Variants in SUGCT observed in about 807,000 individuals in gnomAD.
The protein encoded by SUGCT is succinyl-CoA:glutarate CoA-transferase.
A neutral mutation model predicts 55.0 loss-of-function variants in SUGCT; 41 were observed. That is an observed-to-expected ratio of 0.74 (90% CI 0.58 to 0.97). The LOEUF is 0.97. Among genes scored for constraint, SUGCT ranks in the 50% least tolerant of loss-of-function variants. SUGCT has a pLI of 0.00. For synonymous variants in SUGCT, 187 were observed against 200.4 expected (o/e 0.93, Z 0.56); for missense variants, 568 against 547.8 (o/e 1.04, Z -0.37).
At chr7:40,260,497 G>C (rs1270213565) in intron 7 of SUGCT, among the ~76,000 whole-genome samples, 1 of 152,100 alleles carries the variant, frequency 6.6e-6, no homozygotes, top group Non-Finnish European at 1.5e-5. Context: ...TAAGCTACAC[G>C]CTTAAAAGGA....
At chr7:40,178,854 T>A (rs1232132850) in intron 1 of SUGCT, among the ~76,000 whole-genome samples, 1 of 152,206 alleles carries the variant, frequency 6.6e-6, no homozygotes. Context: ...GTTTTTGCTG[T>A]TCACTAAAGA....
the SUGCT span, among the ~76,000 whole-genome samples, chr7:40,899,405 C>G: frequency 6.6e-6 from 1 of 152,170 alleles, no homozygotes; most frequent in Non-Finnish European, 1.5e-5. Context: ...GCAGGCTGCG[C>G]CAAAGCCTCT....
At chr7:40,575,128 G>T (rs1029924732) in intron 12 of SUGCT, among the ~76,000 whole-genome samples, 25 of 147,772 alleles carry the variant, frequency 1.7e-4, no homozygotes, top group East Asian at 5.8e-4. Flanking sequence ...GCGGGGGTGG[G>T]GGTGGAGATG....
chr7:40,147,781 A>G (rs570199846), intron 1 of SUGCT, among the ~76,000 whole-genome samples: 18 of 152,168 alleles, frequency 1.2e-4, no homozygotes, highest in Non-Finnish European at 2.5e-4. Context: ...AGAACCAGAG[A>G]CCACCCCCAG....
chr7:40,345,531 T>C (rs1415281074), intron 9 of SUGCT, among the ~76,000 whole-genome samples: 1 of 152,212 alleles, frequency 6.6e-6, no homozygotes, highest in Non-Finnish European at 1.5e-5. Flanking sequence ...TATGTATAGT[T>C]CTAATACATT....
rs544818150 is a variant in SUGCT at position 40,274,724 on chromosome 7, A to C, written c.720+68A>C. The stretch of plus-strand genomic sequence containing the variant: ...TGTCTGGGTTATACCTTTTCAGATC[A>C]AATTCTATGGTCACATGTACAAAAA... On this transcript the variant is annotated intron_variant, in intron 8 of 13. Transcript: ENST00000335693. The C allele has an allele frequency of 4.4e-5, 63 of 1,439,752 alleles. No individual in the cohort carries two copies. The South Asian group carries it at 6.9e-4, about 16-fold the overall frequency. The allele number at this position is 1,439,752 out of a possible 1,614,324, so 89.2% of individuals were successfully genotyped here.
intron 6 of SUGCT, among the ~76,000 whole-genome samples, chr7:40,224,921 A>G (rs559769742): frequency 4.6e-5 from 7 of 152,288 alleles, no homozygotes; most frequent in African/African-American, 1.4e-4. Flanking sequence ...GTTCCAGGAA[A>G]GCTGTCTATA....
chr7:40,904,903 G>A, the SUGCT span, among the ~76,000 whole-genome samples: 47 of 152,154 alleles, frequency 3.1e-4, no homozygotes, highest in East Asian at 7.0e-3. Flanking sequence ...TCCAGATTTA[G>A]TACAAGATGT....
At chr7:40,838,865 G>A (rs1409202256) in intron 13 of SUGCT, among the ~76,000 whole-genome samples, 2 of 151,594 alleles carry the variant, frequency 1.3e-5, no homozygotes, top group Admixed American at 1.3e-4. Context: ...TAAGTATGAA[G>A]GTAGCTATTG....
intron 1 of SUGCT, among the ~76,000 whole-genome samples, chr7:40,178,830 A>G (rs1338187876): frequency 2.0e-5 from 3 of 152,054 alleles, no homozygotes; most frequent in Admixed American, 6.5e-5. Flanking sequence ...TTCTTTGGTA[A>G]TATTCTCTTT....
intron 7 of SUGCT, among the ~76,000 whole-genome samples, chr7:40,249,312 G>GCTATCTATATCTATATATATCTAT (rs1421104147): frequency 1.4e-4 from 3 of 22,216 alleles, no homozygotes; most frequent in Admixed American, 5.8e-4. Context: ...ACACCAAAAA[G>GCTATCTATATCTATATATATCTAT]CTATATATAT....
At position 40,811,136 on chromosome 7, in the gene SUGCT, C is replaced by A. The variant is rs183750011; in HGVS notation, c.1154-49180C>A. 2.2e-4 allele frequency among the ~76,000 whole-genome samples: 34 copies of A among 152,100 alleles called. No homozygotes were observed. In the East Asian group the frequency reaches 6.2e-3, roughly 28 times the overall value. On this transcript the variant is annotated intron_variant, in intron 13 of 13. Transcript: ENST00000335693. ...TTGTTCTATATTTCTGTTTTTGTAC[C>A]AATACCATGCTGTTTTTGTTAGTTA...
At chr7:40,626,825 A>G (rs1360847869) in intron 12 of SUGCT, among the ~76,000 whole-genome samples, 1 of 152,066 alleles carries the variant, frequency 6.6e-6, no homozygotes, top group Non-Finnish European at 1.5e-5. Flanking sequence ...CTGCTTCTCT[A>G]GCTCAGTGCT....
At chr7:40,718,292 C>T (rs1203732) in intron 12 of SUGCT, among the ~76,000 whole-genome samples, 7,874 of 152,220 alleles carry the variant, frequency 0.052, 648 homozygotes, top group African/African-American at 0.18. Context: ...ATTTCAGAAA[C>T]AATGTTTGAG....
the SUGCT span, among the ~76,000 whole-genome samples, chr7:40,936,737 T>A: frequency 2.6e-5 from 4 of 152,000 alleles, no homozygotes; most frequent in African/African-American, 9.7e-5. Flanking sequence ...TTCAGAACCA[T>A]AAATCTCTCT....
rs111463291 is a variant in SUGCT, at chr7:40,658,594, T to A, written c.1090-90840T>A. 1.5e-3 allele frequency among the ~76,000 whole-genome samples: 236 copies of A among 152,306 alleles called. 1 individual carries two copies. Among genetic ancestry groups the A allele is most frequent in the African/African-American group, 5.5e-3 (229 of 41,566 alleles). Reference sequence around the variant, plus strand: ...TTACAGGCGGTAGGGGAAGTGTCCCTGGCTGTACTCCGATTTGATCTAGTT... The same window carrying A: ...TTACAGGCGGTAGGGGAAGTGTCCCAGGCTGTACTCCGATTTGATCTAGTT... On this transcript the variant is annotated intron_variant, in intron 12 of 13. Transcript: ENST00000335693.
chr7:40,508,413 G>A lies in SUGCT; in HGVS notation c.1089+12027G>A, dbSNP rs114245904. 2.8e-3 allele frequency among the ~76,000 whole-genome samples: 434 copies of A among 152,308 alleles called. 4 individuals carry two copies. Among genetic ancestry groups the A allele is most frequent in the African/African-American group, 9.8e-3 (407 of 41,574 alleles). On this transcript the variant is annotated intron_variant, in intron 12 of 13. Transcript: ENST00000335693. ...GCTTCTGCAGCACAGGCTATGAGAA[G>A]TGAAAAACACAGCAGCCTGCTCCTC...
intron 12 of SUGCT, among the ~76,000 whole-genome samples, chr7:40,606,600 T>C (rs34126330): frequency 1.4e-4 from 21 of 152,332 alleles, no homozygotes; most frequent in Admixed American, 9.8e-4. Flanking sequence ...TTAAACATTG[T>C]TGAGGATTTG....
intron 12 of SUGCT, among the ~76,000 whole-genome samples, chr7:40,566,242 G>A (rs1796144492): frequency 6.6e-6 from 1 of 151,638 alleles, no homozygotes; most frequent in Admixed American, 6.6e-5. Context: ...TATGTTCCAA[G>A]TGCTTAACAC....
Sources: allele counts gnomAD v4.1 joint callset (sites outside exome capture counted in the v4.1 genomes callset), GRCh38; gene constraint gnomAD v4.1.1; transcripts MANE v1.5; gene names NCBI Gene and HGNC (gene_info 2026-07-23, HGNC 2026-07-21).